The following HHLA1 variants were observed in gnomAD, a reference collection of about 807,000 sequenced individuals.
HHLA1 encodes the protein HERV-H LTR-associating protein 1.
HHLA1 carries 72 observed loss-of-function variants against 69.9 expected under a neutral mutation model. The observed-to-expected ratio is 1.03, with a 90% CI of 0.85 to 1.25. The LOEUF is 1.25. Ranked by LOEUF, HHLA1 falls within the 50% of genes most tolerant of loss-of-function variation. The pLI, the probability that HHLA1 is intolerant of heterozygous loss-of-function variation, is 0.00. For missense variants in HHLA1, 685 were observed against 642.2 expected (o/e 1.07, Z -0.72); for synonymous variants, 252 against 233.2 (o/e 1.08, Z -0.73).
chr8:132,095,295 G>A (rs1824004783), intron 7 of HHLA1, among the ~76,000 whole-genome samples: 1 of 152,114 alleles, frequency 6.6e-6, no homozygotes, highest in South Asian at 2.1e-4. Flanking sequence ...GGATATTTAG[G>A]TTGTTCCTCA....
intron 12 of HHLA1, among the ~76,000 whole-genome samples, chr8:132,077,042 G>A (rs570604286): frequency 1.3e-4 from 20 of 152,174 alleles, no homozygotes; most frequent in Non-Finnish European, 2.1e-4. Context: ...GGACTTGATC[G>A]TTTCTGTTAA....
chr8:132,107,072 C>G (rs1295226238), intron 1 of HHLA1, among the ~76,000 whole-genome samples: 3 of 152,276 alleles, frequency 2.0e-5, no homozygotes, highest in South Asian at 4.1e-4. Context: ...CTTTCTCATT[C>G]TCTTATCTTT....
At chr8:132,098,167 A>T (rs1824052522) in intron 5 of HHLA1, among the ~76,000 whole-genome samples, 1 of 152,236 alleles carries the variant, frequency 6.6e-6, no homozygotes, top group Non-Finnish European at 1.5e-5. Context: ...TAGTGAAGGC[A>T]GTGAGGAATG....
At chr8:132,077,607 T>C (rs747966647) in intron 12 of HHLA1, 119 bp downstream of exon 12, 17 of 1,009,374 alleles carry the variant, frequency 1.7e-5, no homozygotes, top group Non-Finnish European at 2.4e-5. Flanking sequence ...TCATGATCAT[T>C]ATGTTTTCTT....
intron 10 of HHLA1, chr8:132,080,264 C>A (rs1823726599): frequency 2.3e-6 from 1 of 436,864 alleles, no homozygotes; most frequent in African/African-American, 2.0e-5. Flanking sequence ...GAAGAGACCA[C>A]CAAACAGGCT....
At chr8:132,095,861 C>A in intron 5 of HHLA1, 75 bp from the exon 6 acceptor site, 5 of 824,950 alleles carry the variant, frequency 6.1e-6, no homozygotes, top group South Asian at 4.9e-5. Flanking sequence ...GTAAACAGTC[C>A]CTAGAAATTA....
intron 7 of HHLA1, among the ~76,000 whole-genome samples, chr8:132,095,126 T>C (rs1824002108): frequency 6.6e-6 from 1 of 152,230 alleles, no homozygotes; most frequent in African/African-American, 2.4e-5. Context: ...TTGTGCTCTT[T>C]GTATTTTTGT....
At position 132,071,215 on chromosome 8, in the gene HHLA1, G is replaced by A. The variant is rs929138635; in HGVS notation, c.1469+125C>T. On this transcript the variant is annotated intron_variant, in intron 15 of 16. Transcript: ENST00000414222. ...CTCACTGGAGAGTCCCTTACCTTGA[G>A]GTAACCCCTACTGCCTGTCTGTGGA... 13 of 742,532 alleles carry A rather than the reference G, an allele frequency of 1.8e-5. No individual in the cohort carries two copies. In the African/African-American group the frequency reaches 1.8e-4, roughly 10 times the overall value. 46.0% of individuals were successfully genotyped at this position (742,532 alleles called of 1,614,324 possible).
rs1157736943 is a variant in HHLA1, at chr8:132,062,080, C to T, written c.*1915G>A. ...CTCTTTGAGGAACCTTGAGGACCCT[C>T]TCCTGTCAAAGGTCCTTAATTAATA... On this transcript the variant is annotated 3_prime_UTR_variant, in exon 17 of 17. Transcript: ENST00000414222. 1 of 152,204 alleles carries T rather than the reference C, an allele frequency of 6.6e-6. No homozygotes were observed. The highest frequency in any genetic ancestry group is 1.9e-4 in the East Asian group (1 of 5,192). The allele number at this position is 152,204 out of a possible 1,614,324, so 9.4% of individuals were successfully genotyped here.
At chr8:132,068,958 C>T (rs1823484831) in intron 15 of HHLA1, among the ~76,000 whole-genome samples, 1 of 152,120 alleles carries the variant, frequency 6.6e-6, no homozygotes, top group African/African-American at 2.4e-5. Context: ...GGCTGCACTT[C>T]AATAATTCTG....
Position 132,077,717 on chromosome 8 carries a change from C to T in HHLA1, c.1171+9G>A, listed in dbSNP as rs1823668356. 6.4e-7 allele frequency: 1 copy of T among 1,550,746 alleles called. No individual in the cohort carries two copies. Among genetic ancestry groups the T allele is most frequent in the African/African-American group, 1.4e-5 (1 of 73,026 alleles). On this transcript the variant is annotated intron_variant, in intron 12 of 16. Transcript: ENST00000414222. ...AACGGGAGAGGTAGAAGTGAGCACC[C>T]TCTCTTACCCAAGGTAGGGCTGGCC... is the stretch of plus-strand genomic sequence containing the variant.
chr8:132,090,658 G>A (rs963449915), intron 7 of HHLA1, among the ~76,000 whole-genome samples: 1 of 152,132 alleles, frequency 6.6e-6, no homozygotes, highest in African/African-American at 2.4e-5. Context: ...TTAACCTCCT[G>A]GAGGGAGAAC....
In HHLA1 at chr8:132,079,793, T is replaced by C; in HGVS notation, c.850A>G (p.Thr284Ala). Residue 284 changes from threonine (T) to alanine (A), a missense_variant, in exon 11 of 17, where the codon ACA becomes GCA. By Grantham distance (58) the Thr-to-Ala change is moderately conservative. Transcript: ENST00000414222. ...APSETEETLN[T>A]GRPPELPARA... ...GCTGGAAGCTCAGGAGGCCTGCCTGTGTTCAGGGTCTCCTCTGTTTCTGAA... is the reference window on the plus strand; with the variant it reads ...GCTGGAAGCTCAGGAGGCCTGCCTGCGTTCAGGGTCTCCTCTGTTTCTGAA... 6.4e-7 allele frequency: 1 copy of C among 1,551,722 alleles called. No individual in the cohort carries two copies. The highest frequency in any genetic ancestry group is 8.7e-7 in the Non-Finnish European group (1 of 1,146,988).
chr8:132,077,550 T>C lies in HHLA1; in HGVS notation c.1171+176A>G, dbSNP rs186967966. Among the ~76,000 whole-genome samples, 1,218 of 152,242 alleles carry C rather than the reference T, an allele frequency of 8.0e-3. 5 individuals carry two copies. The highest frequency in any genetic ancestry group is 0.012 in the Non-Finnish European group (827 of 68,008). Reference sequence around the variant, plus strand: ...GAAGGAGCTTTCATTCATCTACAGATGGGAAGAAAGAGGTAGGGCAAAGGA... The same window carrying C: ...GAAGGAGCTTTCATTCATCTACAGACGGGAAGAAAGAGGTAGGGCAAAGGA... On this transcript the variant is annotated intron_variant, in intron 12 of 16. Coordinates refer to ENST00000414222, the MANE Select transcript of HHLA1 (RefSeq NM_001145095.3).
intron 3 of HHLA1, among the ~76,000 whole-genome samples, chr8:132,102,752 C>T (rs715257): frequency 0.6 from 91,302 of 151,250 alleles, 27,682 homozygotes; most frequent in African/African-American, 0.64. Flanking sequence ...CCTTTCCAGC[C>T]AGAATGGTGG....
chr8:132,075,081 T>C (rs1823612674), intron 14 of HHLA1, among the ~76,000 whole-genome samples: 1 of 152,210 alleles, frequency 6.6e-6, no homozygotes, highest in Admixed American at 6.5e-5. Context: ...CACCACTGTG[T>C]TTCTTTAGAA....
intron 3 of HHLA1, chr8:132,101,293 G>A (rs1164059552): frequency 6.5e-7 from 1 of 1,549,148 alleles, no homozygotes; most frequent in Non-Finnish European, 8.7e-7. Flanking sequence ...AAGTTTTCAT[G>A]AATAAAATAG....
intron 7 of HHLA1, among the ~76,000 whole-genome samples, chr8:132,090,795 G>A (rs1823935291): frequency 7.5e-6 from 1 of 134,040 alleles, no homozygotes; most frequent in African/African-American, 2.8e-5. Flanking sequence ...GTCTCGCTCT[G>A]TGGCCCAGGC....
At chr8:132,083,946 T>C (rs185794393) in intron 10 of HHLA1, among the ~76,000 whole-genome samples, 96,142 of 148,318 alleles carry the variant, frequency 0.65, 31,202 homozygotes, top group South Asian at 0.74. Context: ...TGATAAAATG[T>C]ATTTTGAGAA....
Sources: allele counts gnomAD v4.1 joint callset (sites outside exome capture counted in the v4.1 genomes callset), GRCh38; gene constraint gnomAD v4.1.1; transcripts MANE v1.5; gene names NCBI Gene and HGNC (gene_info 2026-07-23, HGNC 2026-07-21).